NCF4: variants seen among roughly 807,000 people sequenced by gnomAD.
The protein encoded by NCF4 is neutrophil cytosolic factor 4, also known as neutrophil cytosol factor 4.
In NCF4, 30 loss-of-function variants were observed where a neutral mutation model predicts 41.7. The observed-to-expected ratio is 0.72, with a 90% CI of 0.54 to 0.97. The LOEUF (loss-of-function observed/expected upper bound fraction) is 0.97, where lower values mean the gene tolerates loss of function less well. Ranked by LOEUF, NCF4 falls within the 50% of genes least tolerant of loss-of-function variation. The pLI, the probability that NCF4 is intolerant of heterozygous loss-of-function variation, is 0.00. For synonymous variants in NCF4, 195 were observed against 175.8 expected, an observed-to-expected ratio of 1.11 and a Z score of -0.87; for missense variants, 432 against 460.9, an observed-to-expected ratio of 0.94 and a Z score of 0.57.
intron 6 of NCF4, 118 bp from the exon 7 acceptor site, chr22:36,872,209 T>C: frequency 1.1e-6 from 1 of 880,778 alleles, no homozygotes; most frequent in Admixed American, 1.9e-5. Context: ...AAGTCGCTTA[T>C]TCTCCCCAAG....
chr22:36,872,502 G>T, intron 7 of NCF4, 77 bp downstream of exon 7: 1 of 1,272,502 alleles, frequency 7.9e-7, no homozygotes, highest in Non-Finnish European at 1.1e-6. Context: ...TAGAGGTGAG[G>T]GTGGAAGTGC....
At chr22:36,863,989 G>A (rs1039114452) in intron 1 of NCF4, 56 bp from the exon 2 acceptor site, 2 of 1,519,314 alleles carry the variant, frequency 1.3e-6, no homozygotes, top group Admixed American at 3.3e-5. Flanking sequence ...TACCCGGTGG[G>A]CCCACAAAAC....
At chr22:36,870,353 G>A in intron 4 of NCF4, 62 bp from the exon 5 acceptor site, 1 of 1,610,762 alleles carries the variant, frequency 6.2e-7, no homozygotes, top group African/African-American at 1.3e-5. Flanking sequence ...GGGACATCTA[G>A]GCTGGGGTGT....
At chr22:36,864,703 GT>G (rs34176632) in intron 2 of NCF4, among the ~76,000 whole-genome samples, 18 of 148,700 alleles carry the variant, frequency 1.2e-4, no homozygotes, top group Non-Finnish European at 1.6e-4. Context: ...TCTTTTTCCA[GT>G]TTTTTTTTTC....
Position 36,864,913 on chromosome 22 carries a change from C to T in NCF4, c.118-6C>T, listed in dbSNP as rs1939886742. On this transcript the variant is annotated splice_polypyrimidine_tract_variant and splice_region_variant and intron_variant, in intron 2 of 9. Coordinates refer to ENST00000248899, the MANE Select transcript of NCF4 (RefSeq NM_000631.5). ...GAGCCCTCCCCACAACCTCTGTCCT[C>T]CTTAGGTTTTCGTCATCGAGGTGAA... The T allele has an allele frequency of 6.2e-7, 1 of 1,614,064 alleles. No individual in the cohort carries two copies. Among genetic ancestry groups the T allele is most frequent in the Non-Finnish European group, 8.5e-7 (1 of 1,180,030 alleles).
rs150127801 is a variant in NCF4, at chr22:36,874,018, G to A, written c.627+1593G>A. ...CCTTTGGAAACTTGCTCAAACTTGC[G>A]GTTTCCTTTTCTGTAAATGTTTCTT... On this transcript the variant is annotated intron_variant, in intron 7 of 9. Coordinates refer to ENST00000248899, the MANE Select transcript of NCF4 (RefSeq NM_000631.5). Among the ~76,000 whole-genome samples the A allele has an allele frequency of 2.0e-4, 30 of 152,324 alleles. 1 individual carries two copies. The highest frequency in any genetic ancestry group is 5.8e-4 in the African/African-American group (24 of 41,582).
intron 1 of NCF4, among the ~76,000 whole-genome samples, chr22:36,862,553 A>T (rs184934107): frequency 5.5e-4 from 83 of 152,180 alleles, no homozygotes; most frequent in African/African-American, 1.9e-3. Flanking sequence ...GACCAGCAGG[A>T]CTGTGCACTC....
chr22:36,870,358 G>A (rs1015150286), intron 4 of NCF4, 57 bp from the exon 5 acceptor site: 1 of 1,611,462 alleles, frequency 6.2e-7, no homozygotes, highest in African/African-American at 1.3e-5. Context: ...ATCTAGGCTG[G>A]GGTGTCCAGA....
chr22:36,864,684 C>T (rs1776000425), intron 2 of NCF4, among the ~76,000 whole-genome samples: 1 of 152,050 alleles, frequency 6.6e-6, no homozygotes, highest in Admixed American at 6.5e-5. Flanking sequence ...CACTAGGTCT[C>T]ACTTCCTCTC....
intron 4 of NCF4, chr22:36,870,003 C>T: frequency 1.0e-5 from 3 of 296,050 alleles, no homozygotes; most frequent in South Asian, 9.2e-5. Context: ...CCTTGCTAGG[C>T]TTTGTGGCCT....
Position 36,872,331 on chromosome 22 carries a change from T to C in NCF4, c.533T>C (p.Leu178Pro). The change falls in exon 7 of 10, where the codon CTA (leucine) becomes CCA (proline). Residue 178 changes from leucine to proline, a missense_variant. Physicochemically the swap from Leu to Pro is moderately conservative, Grantham distance 98. Coordinates refer to ENST00000248899, the MANE Select transcript of NCF4 (RefSeq NM_000631.5). ...TTACTGCACGCTTCTCCTCAGGCTC[T>C]ATTTGACTTCACTGGAAACAGCAAA... ...DRMAAPRAEALFDFTGNSKLE... is the reference protein window; with the variant it reads ...DRMAAPRAEAPFDFTGNSKLE... The C allele has an allele frequency of 6.2e-7, 1 of 1,604,044 alleles. No homozygotes were observed. The highest frequency in any genetic ancestry group is 8.5e-7 in the Non-Finnish European group (1 of 1,170,742).
In NCF4 at chr22:36,870,423, C is replaced by T; in HGVS notation, c.351C>T (p.Leu117=). 1 of 1,613,984 alleles carries T rather than the reference C, an allele frequency of 6.2e-7. No individual in the cohort carries two copies. Among genetic ancestry groups the T allele is most frequent in the Non-Finnish European group, 8.5e-7 (1 of 1,180,034 alleles). ...CTGTCTCACCCACACAGAGCCTGCT[C>T]AGCCTGCCGGTCTGGGTGCTGATGG... ...PALNAYMKSL[L]SLPVWVLMDE... is the part of the protein sequence containing the mutation. The change falls in exon 5 of 10, where the codon CTC becomes CTT. Residue 117 remains leucine (L), a synonymous_variant. Coordinates refer to ENST00000248899, the MANE Select transcript of NCF4 (RefSeq NM_000631.5).
intron 1 of NCF4, among the ~76,000 whole-genome samples, chr22:36,862,782 G>A (rs1217518550): frequency 6.6e-6 from 1 of 152,210 alleles, no homozygotes; most frequent in Non-Finnish European, 1.5e-5. Context: ...GAACCCCAAG[G>A]TGAGACATCC....
At position 36,875,727 on chromosome 22, in the gene NCF4, C is replaced by T. The variant is rs745954906; in HGVS notation, c.702C>T (p.Asp234=). The change falls in exon 8 of 10, where the codon GAC becomes GAT. Residue 234 remains aspartate, a synonymous_variant. Coordinates refer to ENST00000248899, the MANE Select transcript of NCF4 (RefSeq NM_000631.5). The stretch of plus-strand genomic sequence containing the variant: ...TCCTCAAAGACTTCCCTGAGGAGGA[C>T]GACCCCACCAACTGGCTGCGTTGCT... ...VKILKDFPEE[D]DPTNWLRCYY... is the part of the protein sequence containing the mutation. 2.7e-5 allele frequency: 43 copies of T among 1,613,764 alleles called. No homozygotes were observed. Among genetic ancestry groups the T allele is most frequent in the East Asian group, 8.9e-5 (4 of 44,888 alleles).
intron 1 of NCF4, among the ~76,000 whole-genome samples, chr22:36,862,755 G>A (rs960965321): frequency 2.0e-5 from 3 of 152,214 alleles, no homozygotes; most frequent in Non-Finnish European, 2.9e-5. Context: ...GCAGGTTCGC[G>A]CAGCGGGGAC....
Position 36,875,667 on chromosome 22 carries a change from A to T in NCF4, c.642A>T (p.Gly214=). The change falls in exon 8 of 10, where the codon GGA becomes GGT. Residue 214 remains glycine, a synonymous_variant. Transcript: ENST00000248899. Reference sequence around the variant, plus strand: ...TTCCTCTGCAGGGCACTGTCCGGGGAGCCACGGGCATCTTCCCTCTCTCCT... The same window carrying T: ...TTCCTCTGCAGGGCACTGTCCGGGGTGCCACGGGCATCTTCCCTCTCTCCT... The part of the protein sequence containing the change: ...NKDWLEGTVR[G]ATGIFPLSFV... 6.2e-7 allele frequency: 1 copy of T among 1,611,956 alleles called. No individual in the cohort carries two copies. Among genetic ancestry groups the T allele is most frequent in the Non-Finnish European group, 8.5e-7 (1 of 1,179,984 alleles).
chr22:36,875,724 G>A lies in NCF4; in HGVS notation c.699G>A (p.Glu233=). ...FVKILKDFPE[E]DDPTNWLRCY... ...AGATCCTCAAAGACTTCCCTGAGGA[G>A]GACGACCCCACCAACTGGCTGCGTT... Residue 233 remains glutamate (E), a synonymous_variant, in exon 8 of 10, where the codon GAG becomes GAA. Coordinates refer to ENST00000248899, the MANE Select transcript of NCF4 (RefSeq NM_000631.5). 1 of 1,613,890 alleles carries A rather than the reference G, an allele frequency of 6.2e-7. No homozygotes were observed. Among genetic ancestry groups the A allele is most frequent in the African/African-American group, 1.3e-5 (1 of 75,040 alleles).
chr22:36,864,237 C>T, intron 2 of NCF4, 108 bp downstream of exon 2: 1 of 983,502 alleles, frequency 1.0e-6, no homozygotes, highest in South Asian at 1.3e-5. Flanking sequence ...GATCTCTTAA[C>T]TTCTATCTCA....
intron 1 of NCF4, among the ~76,000 whole-genome samples, chr22:36,862,767 T>A (rs1268778521): frequency 6.6e-6 from 1 of 152,180 alleles, no homozygotes; most frequent in Non-Finnish European, 1.5e-5. Context: ...AGCGGGGACT[T>A]TCTAGAACCC....
Sources: gnomAD v4.1 joint callset for allele counts (sites outside exome capture counted in the v4.1 genomes callset) on GRCh38, gnomAD v4.1.1 for gene constraint, MANE v1.5 for transcripts, NCBI Gene and HGNC (gene_info 2026-07-23, HGNC 2026-07-21) for gene names.